Variants in SLC35D4 observed in about 807,000 individuals in gnomAD.
The protein encoded by SLC35D4 is solute carrier family 35 member D4.
the SLC35D4 span, among the ~76,000 whole-genome samples, chr18:23,397,105 G>A: frequency 1.3e-5 from 2 of 152,084 alleles, no homozygotes; most frequent in South Asian, 2.1e-4. Context: ...GGGGCGGCGG[G>A]GGGAGGGTAA....
chr18:23,418,385 T>TATTA, the SLC35D4 span, among the ~76,000 whole-genome samples: 2 of 146,742 alleles, frequency 1.4e-5, no homozygotes, highest in Admixed American at 6.8e-5. Flanking sequence ...TTATTATTAT[T>TATTA]TTTTGAGACA....
At chr18:23,430,826 A>C in the SLC35D4 span, 1 of 706,748 alleles carries the variant, frequency 1.4e-6, no homozygotes. Flanking sequence ...CAAAATCACA[A>C]ACTGGGCAAA....
the SLC35D4 span, among the ~76,000 whole-genome samples, chr18:23,432,661 A>G: frequency 6.7e-6 from 1 of 149,074 alleles, no homozygotes; most frequent in Non-Finnish European, 1.5e-5. Context: ...AGCCTAGGAG[A>G]CAGAGTGAGA....
the SLC35D4 span, among the ~76,000 whole-genome samples, chr18:23,248,480 G>A: frequency 1.5e-4 from 22 of 145,880 alleles, no homozygotes; most frequent in Non-Finnish European, 2.5e-4. Flanking sequence ...AGGATTTAGC[G>A]TCCCACCTGG....
At chr18:23,373,522 G>A in the SLC35D4 span, among the ~76,000 whole-genome samples, 1,831 of 152,250 alleles carry the variant, frequency 0.012, 14 homozygotes, top group Non-Finnish European at 0.02. Context: ...GCAGCCCTGC[G>A]GAGAAGGCAA....
the SLC35D4 span, among the ~76,000 whole-genome samples, chr18:23,316,544 G>A: frequency 2.6e-5 from 4 of 152,108 alleles, no homozygotes; most frequent in Non-Finnish European, 4.4e-5. Context: ...TAAACTCCAG[G>A]CATGGCTATT....
chr18:23,386,013 G>C, the SLC35D4 span, among the ~76,000 whole-genome samples: 14 of 150,976 alleles, frequency 9.3e-5, no homozygotes, highest in Admixed American at 3.3e-4. Context: ...GTTGCCTGTA[G>C]TCCCAGCTAC....
the SLC35D4 span, among the ~76,000 whole-genome samples, chr18:23,376,291 A>G: frequency 6.6e-6 from 1 of 152,242 alleles, no homozygotes; most frequent in Non-Finnish European, 1.5e-5. Context: ...CAATTCTGAC[A>G]GTCCTCACTG....
the SLC35D4 span, among the ~76,000 whole-genome samples, chr18:23,279,608 G>C: frequency 6.6e-6 from 1 of 152,086 alleles, no homozygotes; most frequent in African/African-American, 2.4e-5. Context: ...CAGGCACACA[G>C]AGAAGGAAGA....
the SLC35D4 span, chr18:23,376,817 C>A: frequency 2.2e-6 from 1 of 456,712 alleles, no homozygotes; most frequent in Non-Finnish European, 4.4e-6. Flanking sequence ...CACCTGGCCT[C>A]AAGCAGTACC....
chr18:23,359,581 C>A, the SLC35D4 span, among the ~76,000 whole-genome samples: 14,165 of 152,086 alleles, frequency 0.093, 899 homozygotes, highest in Middle Eastern at 0.19. Flanking sequence ...ACAATATTAC[C>A]ACATTCGAGA....
chr18:23,258,903 T>G, the SLC35D4 span: 1 of 152,098 alleles, frequency 6.6e-6, no homozygotes, highest in Admixed American at 6.5e-5. Context: ...ATACTTGGCT[T>G]CTTCAGAATC....
At chr18:23,374,617 C>T in the SLC35D4 span, among the ~76,000 whole-genome samples, 1 of 151,790 alleles carries the variant, frequency 6.6e-6, no homozygotes, top group South Asian at 2.1e-4. Flanking sequence ...TCCCGAGTAA[C>T]TGTGATTACA....
At chr18:23,374,311 C>T in the SLC35D4 span, among the ~76,000 whole-genome samples, 1 of 152,280 alleles carries the variant, frequency 6.6e-6, no homozygotes, top group South Asian at 2.1e-4. Context: ...GGGTGGTATT[C>T]CTGCCAAACA....
chr18:23,267,242 C>T, the SLC35D4 span, among the ~76,000 whole-genome samples: 1 of 152,196 alleles, frequency 6.6e-6, no homozygotes, highest in African/African-American at 2.4e-5. Flanking sequence ...TCTTCACTGA[C>T]ACCACCCTCG....
chr18:23,368,761 A>G, the SLC35D4 span: 1 of 1,447,796 alleles, frequency 6.9e-7, no homozygotes, highest in Non-Finnish European at 9.6e-7. Flanking sequence ...CTAAGGAATG[A>G]GAGAGGAAAA....
chr18:23,372,531 C>T, the SLC35D4 span, among the ~76,000 whole-genome samples: 1 of 152,212 alleles, frequency 6.6e-6, no homozygotes, highest in African/African-American at 2.4e-5. Flanking sequence ...TTTGGGCCTC[C>T]TTATTCTATG....
chr18:23,378,897 T>C, the SLC35D4 span, among the ~76,000 whole-genome samples: 12 of 152,312 alleles, frequency 7.9e-5, no homozygotes, highest in East Asian at 2.3e-3. Flanking sequence ...GCCTAAATAA[T>C]AAAGTTTCCC....
the SLC35D4 span, among the ~76,000 whole-genome samples, chr18:23,247,453 G>A: frequency 8.5e-5 from 13 of 152,254 alleles, no homozygotes; most frequent in African/African-American, 2.9e-4. Context: ...CCCCTTCCAA[G>A]CCAGGATCTG....
Sources: allele counts gnomAD v4.1 joint callset (sites outside exome capture counted in the v4.1 genomes callset), GRCh38; gene constraint gnomAD v4.1.1; transcripts MANE v1.5; gene names NCBI Gene and HGNC (gene_info 2026-07-23, HGNC 2026-07-21).